The following SORBS2 variants were observed in gnomAD, a reference collection of about 807,000 sequenced individuals.
The protein encoded by SORBS2 is sorbin and SH3 domain-containing protein 2.
SORBS2 carries 46 observed loss-of-function variants against 97.7 expected under a neutral mutation model. That is an observed-to-expected ratio of 0.47 (90% CI 0.37 to 0.60). The LOEUF is 0.60. Among genes scored for constraint, SORBS2 ranks in the 20% least tolerant of loss-of-function variants. The pLI is 0.00. For synonymous variants in SORBS2, 476 were observed against 473.4 expected, an observed-to-expected ratio of 1.01 and a Z score of -0.07; for missense variants, 1,316 against 1,282.3, an observed-to-expected ratio of 1.03 and a Z score of -0.40.
intron 1 of SORBS2, among the ~76,000 whole-genome samples, chr4:185,892,147 TCTC>T (rs2099242846): frequency 6.6e-6 from 1 of 152,270 alleles, no homozygotes; most frequent in Admixed American, 6.5e-5. Context: ...GTTAATTTCT[TCTC>T]CTCCTGCTTA....
chr4:185,609,690 A>C (rs1374339448), intron 12 of SORBS2, among the ~76,000 whole-genome samples: 2 of 152,256 alleles, frequency 1.3e-5, no homozygotes, highest in African/African-American at 4.8e-5. Context: ...GTCTCCCCTA[A>C]GACAAAGACA....
chr4:185,868,644 G>A (rs144867952), intron 1 of SORBS2, among the ~76,000 whole-genome samples: 19 of 152,168 alleles, frequency 1.2e-4, no homozygotes, highest in African/African-American at 3.6e-4. Context: ...TGCCACCACC[G>A]GTTGTAATTT....
intron 2 of SORBS2, among the ~76,000 whole-genome samples, chr4:185,714,086 T>C (rs2098446032): frequency 1.3e-5 from 2 of 152,242 alleles, no homozygotes; most frequent in African/African-American, 4.8e-5. Context: ...TAACCTTCAT[T>C]ATTTAAGTGG....
intron 2 of SORBS2, among the ~76,000 whole-genome samples, chr4:185,740,579 G>A (rs1371209438): frequency 6.6e-6 from 1 of 152,084 alleles, no homozygotes; most frequent in Non-Finnish European, 1.5e-5. Context: ...AGCCCCAAAT[G>A]CAAAATAGGC....
chr4:185,807,726 A>G (rs901170669), intron 1 of SORBS2, among the ~76,000 whole-genome samples: 1 of 152,248 alleles, frequency 6.6e-6, no homozygotes, highest in African/African-American at 2.4e-5. Context: ...GAAATAATAC[A>G]GAAAAACATA....
At chr4:185,723,809 G>A (rs936168105) in intron 2 of SORBS2, among the ~76,000 whole-genome samples, 10 of 152,176 alleles carry the variant, frequency 6.6e-5, no homozygotes, top group African/African-American at 1.9e-4. Context: ...TTCAGTGAAC[G>A]TCAAGGTCCT....
chr4:185,948,023 C>T (rs992043497), intron 1 of SORBS2, among the ~76,000 whole-genome samples: 6 of 152,108 alleles, frequency 3.9e-5, no homozygotes, highest in Non-Finnish European at 2.9e-5. Flanking sequence ...CTTAAAGAGG[C>T]CGGTTCTTTT....
intron 1 of SORBS2, among the ~76,000 whole-genome samples, chr4:185,807,815 T>C (rs2153664219): frequency 6.6e-6 from 1 of 152,324 alleles, no homozygotes; most frequent in East Asian, 1.9e-4. Flanking sequence ...ATAATTAAAT[T>C]GTTAGTTTGA....
intron 1 of SORBS2, among the ~76,000 whole-genome samples, chr4:185,932,102 T>C (rs181010285): frequency 1.1e-4 from 17 of 151,798 alleles, no homozygotes; most frequent in Admixed American, 1.1e-3. Flanking sequence ...GTTTATTATA[T>C]ACACATAATA....
chr4:185,611,324 A>G (rs1200564909), intron 12 of SORBS2, among the ~76,000 whole-genome samples: 1 of 151,914 alleles, frequency 6.6e-6, no homozygotes, highest in Admixed American at 6.6e-5. Context: ...TGTGTTGTGT[A>G]TATTTATATT....
chr4:185,611,652 A>T, intron 12 of SORBS2, 128 bp downstream of exon 24: 1 of 690,792 alleles, frequency 1.4e-6, no homozygotes, highest in Non-Finnish European at 2.4e-6. Context: ...ACACATGTAG[A>T]AACATAATAT....
intron 1 of SORBS2, among the ~76,000 whole-genome samples, chr4:185,850,428 T>G (rs2099217192): frequency 6.6e-6 from 1 of 152,134 alleles, no homozygotes. Flanking sequence ...TTCATGGTTG[T>G]CAGAGAGACC....
At chr4:185,782,530 C>A (rs1205062336) in intron 1 of SORBS2, among the ~76,000 whole-genome samples, 1 of 152,164 alleles carries the variant, frequency 6.6e-6, no homozygotes, top group Non-Finnish European at 1.5e-5. Flanking sequence ...TATTGCCTGG[C>A]AGTTATACCA....
At chr4:185,735,506 A>T (rs962378143) in intron 2 of SORBS2, among the ~76,000 whole-genome samples, 1 of 150,888 alleles carries the variant, frequency 6.6e-6, no homozygotes, top group Admixed American at 6.6e-5. Context: ...ACACACACTC[A>T]CACACACAAA....
At chr4:185,911,035 C>G (rs974136368) in intron 1 of SORBS2, among the ~76,000 whole-genome samples, 5 of 151,954 alleles carry the variant, frequency 3.3e-5, no homozygotes, top group African/African-American at 1.2e-4. Flanking sequence ...AATAACCTCA[C>G]AAAGCAGGTG....
chr4:185,952,843 C>T (rs2150032304), intron 1 of SORBS2, among the ~76,000 whole-genome samples: 2 of 152,218 alleles, frequency 1.3e-5, no homozygotes, highest in Middle Eastern at 3.4e-3. Context: ...CAAATTCTTC[C>T]TACAAACAGC....
chr4:185,806,989 G>A (rs2099159615), intron 1 of SORBS2, among the ~76,000 whole-genome samples: 1 of 152,122 alleles, frequency 6.6e-6, no homozygotes, highest in South Asian at 2.1e-4. Flanking sequence ...CCCATTCAAA[G>A]CAGAGGATAT....
chr4:185,940,453 C>G (rs933046120), intron 1 of SORBS2, among the ~76,000 whole-genome samples: 1 of 152,202 alleles, frequency 6.6e-6, no homozygotes, highest in East Asian at 1.9e-4. Context: ...CACCACCTCC[C>G]CAGCCATGAC....
intron 1 of SORBS2, among the ~76,000 whole-genome samples, chr4:185,925,163 C>T (rs1039288783): frequency 3.3e-5 from 5 of 152,172 alleles, no homozygotes; most frequent in Admixed American, 2.6e-4. Context: ...TATATTATTA[C>T]TTAATATTCT....
Sources: allele counts gnomAD v4.1 joint callset (sites outside exome capture counted in the v4.1 genomes callset), GRCh38; gene constraint gnomAD v4.1.1; transcripts MANE v1.5; gene names NCBI Gene and HGNC (gene_info 2026-07-23, HGNC 2026-07-21).